The following SP3 variants were observed in gnomAD, a reference collection of about 807,000 sequenced individuals.
SP3 encodes Sp3 transcription factor, also known as transcription factor Sp3.
A neutral mutation model predicts 70.3 loss-of-function variants in SP3; 10 were observed. The ratio of observed to expected loss-of-function variants is 0.14; its 90% CI spans 0.09 to 0.24. SP3 has a LOEUF of 0.24. Among genes scored for constraint, SP3 ranks in the 10% least tolerant of loss-of-function variants. The pLI is 1.00. For synonymous variants in SP3, 402 were observed against 333.5 expected (o/e 1.21, Z -2.24); for missense variants, 825 against 914.6 (o/e 0.90, Z 1.26).
chr2:173,957,169 T>C (rs1305884469), intron 3 of SP3, among the ~76,000 whole-genome samples: 2 of 152,188 alleles, frequency 1.3e-5, no homozygotes, highest in South Asian at 2.1e-4. Context: ...GAGAAATATA[T>C]ACAGTTATTT....
Position 173,906,888 on chromosome 2 carries a change from C to T in SP3, c.*3053G>A, listed in dbSNP as rs932576898. On this transcript the variant is annotated 3_prime_UTR_variant, in exon 7 of 7. Coordinates refer to ENST00000310015, the MANE Select transcript of SP3 (RefSeq NM_003111.5). ...GGCCTATGGAATCTCTAAAATGCTC[C>T]CCAGCAATTTCTAATGAACAATACT... The T allele has an allele frequency of 2.6e-5, 4 of 152,126 alleles. No homozygotes were observed. Among genetic ancestry groups the T allele is most frequent in the African/African-American group, 9.7e-5 (4 of 41,404 alleles). 9.4% of individuals were successfully genotyped at this position (152,126 alleles called of 1,614,324 possible).
Position 173,902,513 on chromosome 2 carries a change from AAT to A in SP3, c.*7426_*7427del, listed in dbSNP as rs571777107. Among the ~76,000 whole-genome samples, 540 of 152,358 alleles carry A rather than the reference AAT, an allele frequency of 3.5e-3. 5 individuals carry two copies. The highest frequency in any genetic ancestry group is 0.013 in the African/African-American group (530 of 41,584). On this transcript the variant is annotated 3_prime_UTR_variant, in exon 7 of 7. Transcript: ENST00000310015. ...AGAAATGCTCACATGTACACAAGGA[AAT>A]ATGTCAATTATTTCATTGCAGCATT...
At chr2:173,959,285 A>G (rs1429655943) in intron 3 of SP3, among the ~76,000 whole-genome samples, 1 of 152,094 alleles carries the variant, frequency 6.6e-6, no homozygotes, top group African/African-American at 2.4e-5. Context: ...ATATACCACT[A>G]AAAGAGATAA....
rs1476775901 is a variant in SP3 at position 173,961,802 on chromosome 2, T to C, written c.279+1959A>G. ...CTGAAAAGATGTCTTAAGTTCATAT[T>C]TGCACTGGAAAAATAAATTTTTAGC... On this transcript the variant is annotated intron_variant, in intron 3 of 6. Coordinates refer to ENST00000310015, the MANE Select transcript of SP3 (RefSeq NM_003111.5). Among the ~76,000 whole-genome samples the C allele has an allele frequency of 3.3e-5, 5 of 152,302 alleles. No homozygotes were observed. In the South Asian group the frequency reaches 6.2e-4, roughly 19 times the overall value.
At chr2:173,961,935 G>GT (rs536537799) in intron 3 of SP3, among the ~76,000 whole-genome samples, 13,060 of 80,296 alleles carry the variant, frequency 0.16, 924 homozygotes, top group Non-Finnish European at 0.23. Context: ...TATGGTTTGG[G>GT]TTTTTTTTTT....
In SP3 at chr2:173,955,172, G is replaced by T. The variant is rs372158430; in HGVS notation, c.1340C>A (p.Thr447Asn). The T allele has an allele frequency of 6.2e-7, 1 of 1,614,170 alleles. No individual in the cohort carries two copies. The highest frequency in any genetic ancestry group is 8.5e-7 in the Non-Finnish European group (1 of 1,180,036). Residue 447 changes from threonine to asparagine, a missense_variant, in exon 4 of 7, where the codon ACC becomes AAC. By Grantham distance (65) the Thr-to-Asn change is moderately conservative. Transcript: ENST00000310015. ...QNLQLQLNPG[T>N]FLIQAQTVTP... ...CACTGTCTGTGCCTGAATTAAAAAG[G>T]TTCCAGGATTCAGCTGCAACTGAAG...
intron 3 of SP3, among the ~76,000 whole-genome samples, chr2:173,962,064 A>T (rs1691106464): frequency 1.3e-5 from 2 of 151,602 alleles, no homozygotes; most frequent in Non-Finnish European, 2.9e-5. Flanking sequence ...CATGTGGCAG[A>T]ATATGTGTTG....
chr2:173,958,370 C>G (rs763079054), intron 3 of SP3, among the ~76,000 whole-genome samples: 1 of 149,798 alleles, frequency 6.7e-6, no homozygotes, highest in African/African-American at 2.5e-5. Flanking sequence ...ATACAGCTAA[C>G]GCAAATGACA....
Position 173,913,257 on chromosome 2 carries a change from A to G in SP3, c.1842T>C (p.Asn614=), listed in dbSNP as rs1689538084. ...NCKEGGGRGT[N]LGKKKQHICH... ...AAATGTGTTGCTTCTTTTTCCCAAG[A>G]TTGGTACCTCTAAAAAACACACATA... Residue 614 remains asparagine (N), a synonymous_variant, in exon 6 of 7, where the codon AAT becomes AAC. Coordinates refer to ENST00000310015, the MANE Select transcript of SP3 (RefSeq NM_003111.5). 1 of 1,592,626 alleles carries G rather than the reference A, an allele frequency of 6.3e-7. No individual in the cohort carries two copies. Among genetic ancestry groups the G allele is most frequent in the Non-Finnish European group, 8.6e-7 (1 of 1,167,510 alleles).
chr2:173,963,917 AG>A, intron 2 of SP3, 34 bp from the exon 3 acceptor site: 2 of 1,339,278 alleles, frequency 1.5e-6, no homozygotes, highest in South Asian at 1.5e-5. Flanking sequence ...AGAGGGAGAC[AG>A]GGGGAGGGGG....
At position 173,960,098 on chromosome 2, in the gene SP3, T is replaced by C. The variant is rs114842028; in HGVS notation, c.279+3663A>G. ...GGTGGGAGGATCAACTGAGCCCCAG[T>C]GGTTGAGGCTGCAGTGAGTTGTAAT... On this transcript the variant is annotated intron_variant, in intron 3 of 6. Coordinates refer to ENST00000310015, the MANE Select transcript of SP3 (RefSeq NM_003111.5). 3.4e-3 allele frequency among the ~76,000 whole-genome samples: 513 copies of C among 152,222 alleles called. 5 individuals carry two copies. Among genetic ancestry groups the C allele is most frequent in the African/African-American group, 0.012 (492 of 41,546 alleles).
chr2:173,939,721 C>T (rs575337751), intron 4 of SP3, among the ~76,000 whole-genome samples: 24 of 131,096 alleles, frequency 1.8e-4, no homozygotes, highest in Admixed American at 6.1e-4. Flanking sequence ...GCCAAGATTG[C>T]GCCACTGCAC....
intron 2 of SP3, chr2:173,964,169 A>T (rs1012102750): frequency 1.0e-5 from 4 of 381,812 alleles, no homozygotes; most frequent in African/African-American, 2.1e-5. Context: ...CCGGGAGGGC[A>T]CGCTGGGGCC....
intron 4 of SP3, among the ~76,000 whole-genome samples, chr2:173,933,799 T>G (rs1690141105): frequency 6.6e-6 from 1 of 151,836 alleles, no homozygotes. Flanking sequence ...AATGATAAAG[T>G]GGTAGAGCTA....
At position 173,965,154 on chromosome 2, in the gene SP3, G is replaced by A. The variant is rs954036250; in HGVS notation, c.7+11C>T. On this transcript the variant is annotated intron_variant, in intron 1 of 6. Coordinates refer to ENST00000310015, the MANE Select transcript of SP3 (RefSeq NM_003111.5). ...GGCAGCAGCAAGGGTTGCTCTCTCG[G>A]CTTTACGTACCGGTCATAGTGTGTT... 1 of 1,548,454 alleles carries A rather than the reference G, an allele frequency of 6.5e-7. No homozygotes were observed. Among genetic ancestry groups the A allele is most frequent in the Non-Finnish European group, 8.7e-7 (1 of 1,146,216 alleles).
chr2:173,961,194 TACG>T (rs1429288243), intron 3 of SP3, among the ~76,000 whole-genome samples: 3 of 152,208 alleles, frequency 2.0e-5, no homozygotes, highest in Non-Finnish European at 4.4e-5. Flanking sequence ...GTCCATGTTG[TACG>T]ACATTATATA....
At chr2:173,936,315 G>A (rs1267173323) in intron 4 of SP3, among the ~76,000 whole-genome samples, 1 of 152,110 alleles carries the variant, frequency 6.6e-6, no homozygotes, top group Non-Finnish European at 1.5e-5. Context: ...CACCATGCCT[G>A]GCCCCGCTCC....
chr2:173,913,241 G>C lies in SP3; in HGVS notation c.1858C>G (p.Gln620Glu), dbSNP rs759436759. ...GRGTNLGKKKQHICHIPGCGK... is the reference protein window; with the variant it reads ...GRGTNLGKKKEHICHIPGCGK... ...CATCCTGGTATATGACAAATGTGTTGCTTCTTTTTCCCAAGATTGGTACCT... is the reference window on the plus strand; with the variant it reads ...CATCCTGGTATATGACAAATGTGTTCCTTCTTTTTCCCAAGATTGGTACCT... Residue 620 changes from glutamine (Q) to glutamate (E), a missense_variant, in exon 6 of 7, where the codon CAA becomes GAA. Gln to Glu is a conservative substitution (Grantham distance 29). This residue lies in a region of SP3 where 37 missense variants were observed against 66.2 expected (regional missense o/e 0.56). Transcript: ENST00000310015. 2 of 1,596,918 alleles carry C rather than the reference G, an allele frequency of 1.3e-6. No homozygotes were observed. Among genetic ancestry groups the C allele is most frequent in the Non-Finnish European group, 1.7e-6 (2 of 1,170,320 alleles).
chr2:173,914,034 G>C lies in SP3; in HGVS notation c.1833-768C>G, dbSNP rs146715009. The C allele has an allele frequency of 5.9e-3, 892 of 152,108 alleles. 5 individuals carry two copies. The highest frequency in any genetic ancestry group is 0.02 in the African/African-American group (822 of 41,496). 9.4% of individuals were successfully genotyped at this position (152,108 alleles called of 1,614,324 possible). A position where few individuals can be genotyped will look rare whatever the true frequency, so the allele number is the denominator to read the frequency against. ...TTTCAGTATTTGATACCAAGAGCAG[G>C]GTTTAGAAGATATGAGATTAGATGG... On this transcript the variant is annotated intron_variant, in intron 5 of 6. Coordinates refer to ENST00000310015, the MANE Select transcript of SP3 (RefSeq NM_003111.5).
Sources: allele counts gnomAD v4.1 joint callset (sites outside exome capture counted in the v4.1 genomes callset), GRCh38; gene constraint gnomAD v4.1.1; regional missense constraint gnomAD v4.1.1; transcripts MANE v1.5; gene names NCBI Gene and HGNC (gene_info 2026-07-23, HGNC 2026-07-21).